TTC28: variants seen among roughly 807,000 people sequenced by gnomAD.
The protein encoded by TTC28 is tetratricopeptide repeat protein 28.
A neutral mutation model predicts 198.0 loss-of-function variants in TTC28; 61 were observed. The observed-to-expected ratio is 0.31, with a 90% CI of 0.25 to 0.38. TTC28 has a LOEUF of 0.38. TTC28 is among the 10% of genes least tolerant of loss of function. The pLI is 1.00. For synonymous variants in TTC28, 1,171 were observed against 1,297.8 expected (o/e 0.90, Z 2.10); for missense variants, 2,678 against 3,164.0 (o/e 0.85, Z 3.69).
In TTC28 at chr22:28,119,616, T is replaced by C. The variant is rs942775474; in HGVS notation, c.1442-11213A>G. Among the ~76,000 whole-genome samples, 55 of 152,150 alleles carry C rather than the reference T, an allele frequency of 3.6e-4. 2 individuals carry two copies. The highest frequency in any genetic ancestry group is 1.5e-5 in the Non-Finnish European group (1 of 68,020). ...GGGGGCATTTTTGGTTGTCAAAATA[T>C]CTGGGAGACCACACTGGCAAGTGTG... On this transcript the variant is annotated intron_variant, in intron 6 of 22. Coordinates refer to ENST00000397906, the MANE Select transcript of TTC28 (RefSeq NM_001145418.2).
At chr22:28,017,195 G>A (rs2146591939) in intron 13 of TTC28, among the ~76,000 whole-genome samples, 1 of 152,348 alleles carries the variant, frequency 6.6e-6, no homozygotes. Flanking sequence ...GGGGCAGGAG[G>A]GCAGAGACCA....
chr22:28,279,474 G>A (rs930403346), intron 5 of TTC28, among the ~76,000 whole-genome samples: 1 of 152,058 alleles, frequency 6.6e-6, no homozygotes, highest in East Asian at 1.9e-4. Flanking sequence ...GAGTTCAAGC[G>A]ATTCTCCTGC....
intron 5 of TTC28, among the ~76,000 whole-genome samples, chr22:28,178,817 C>T (rs1182294507): frequency 6.6e-6 from 1 of 152,120 alleles, no homozygotes; most frequent in Non-Finnish European, 1.5e-5. Flanking sequence ...CTCAAAGAGG[C>T]AAAGACTCAA....
At chr22:28,075,071 G>A (rs1001203295) in intron 12 of TTC28, among the ~76,000 whole-genome samples, 2 of 151,888 alleles carry the variant, frequency 1.3e-5, no homozygotes, top group East Asian at 3.9e-4. Flanking sequence ...CTGGATAACA[G>A]AGAGAGATTC....
At chr22:28,160,805 C>T (rs926217663) in intron 6 of TTC28, among the ~76,000 whole-genome samples, 1 of 152,080 alleles carries the variant, frequency 6.6e-6, no homozygotes, top group African/African-American at 2.4e-5. Context: ...GAATTTTTTA[C>T]AAAACTAAGT....
At chr22:28,117,355 A>AC (rs1026325316) in intron 6 of TTC28, among the ~76,000 whole-genome samples, 2 of 152,172 alleles carry the variant, frequency 1.3e-5, no homozygotes, top group Non-Finnish European at 2.9e-5. Flanking sequence ...CTCTATTAGC[A>AC]CCTAGCACAT....
At chr22:28,434,021 C>T (rs1459192641) in intron 2 of TTC28, among the ~76,000 whole-genome samples, 1 of 152,056 alleles carries the variant, frequency 6.6e-6, no homozygotes, top group Non-Finnish European at 1.5e-5. Flanking sequence ...TAGCCTAAAA[C>T]CAGAAAGTAT....
intron 5 of TTC28, chr22:28,232,669 T>C (rs551133971): frequency 6.6e-6 from 1 of 152,352 alleles, no homozygotes; most frequent in African/African-American, 2.4e-5. Flanking sequence ...TAGAATCCTG[T>C]ACATGGCTCA....
chr22:28,629,551 C>T lies in TTC28; in HGVS notation c.381+1G>A. On this transcript the variant is annotated splice_donor_variant, in intron 2 of 22. Transcript: ENST00000397906. LOFTEE classifies it high-confidence loss of function. ...AAATCTTCATAGGTAAAAATTTCTA[C>T]CTTTGGCCACTTGGGATTGAGAAGT... is the stretch of plus-strand genomic sequence containing the variant. 6.5e-7 allele frequency: 1 copy of T among 1,545,974 alleles called. No homozygotes were observed. Among genetic ancestry groups the T allele is most frequent in the Non-Finnish European group, 8.7e-7 (1 of 1,144,064 alleles).
At chr22:28,651,422 C>G (rs1240129514) in intron 1 of TTC28, among the ~76,000 whole-genome samples, 4 of 151,998 alleles carry the variant, frequency 2.6e-5, no homozygotes, top group Non-Finnish European at 5.9e-5. Context: ...CCACCTCAGT[C>G]TCCCAAGTAG....
chr22:28,392,545 T>C (rs2046746065), intron 2 of TTC28, among the ~76,000 whole-genome samples: 1 of 152,214 alleles, frequency 6.6e-6, no homozygotes, highest in Non-Finnish European at 1.5e-5. Flanking sequence ...AATCTCCTGG[T>C]GCGCCATTTT....
chr22:28,130,550 T>C (rs532685391), intron 6 of TTC28, among the ~76,000 whole-genome samples: 1 of 152,382 alleles, frequency 6.6e-6, no homozygotes, highest in East Asian at 1.9e-4. Flanking sequence ...TAGCTTTACA[T>C]ATAAATATGT....
At chr22:27,994,951 C>G (rs1937525948) in intron 17 of TTC28, among the ~76,000 whole-genome samples, 1 of 152,184 alleles carries the variant, frequency 6.6e-6, no homozygotes, top group Admixed American at 6.5e-5. Flanking sequence ...TCCCAGCACC[C>G]TGGGTGTTGG....
intron 12 of TTC28, among the ~76,000 whole-genome samples, chr22:28,080,273 A>G (rs1941299729): frequency 6.6e-6 from 1 of 152,200 alleles, no homozygotes; most frequent in South Asian, 2.1e-4. Flanking sequence ...ACTGTTTTCT[A>G]TAGCAGCTCC....
chr22:28,198,144 C>T (rs766698744), intron 5 of TTC28, among the ~76,000 whole-genome samples: 13 of 152,042 alleles, frequency 8.6e-5, no homozygotes, highest in Non-Finnish European at 1.8e-4. Flanking sequence ...AAATTCAAAA[C>T]CAGGAATTTT....
At chr22:28,537,807 T>C (rs1236872434) in intron 2 of TTC28, among the ~76,000 whole-genome samples, 1 of 152,148 alleles carries the variant, frequency 6.6e-6, no homozygotes, top group Non-Finnish European at 1.5e-5. Flanking sequence ...GCTAATAAAC[T>C]AGGGTAGTTC....
chr22:28,162,860 A>G (rs1921378091), intron 6 of TTC28, among the ~76,000 whole-genome samples: 1 of 152,168 alleles, frequency 6.6e-6, no homozygotes, highest in African/African-American at 2.4e-5. Flanking sequence ...TGAGGTGGGA[A>G]GATCACTGCA....
At chr22:28,060,428 A>G (rs1456274975) in intron 12 of TTC28, among the ~76,000 whole-genome samples, 1 of 152,142 alleles carries the variant, frequency 6.6e-6, no homozygotes, top group Non-Finnish European at 1.5e-5. Flanking sequence ...ACATGAACTC[A>G]TCCTTTTTTA....
At chr22:28,186,793 A>G (rs917693113) in intron 5 of TTC28, among the ~76,000 whole-genome samples, 3 of 152,122 alleles carry the variant, frequency 2.0e-5, no homozygotes, top group African/African-American at 4.8e-5. Flanking sequence ...GTCAGTATTA[A>G]AGAGAGAAAT....
Sources: allele counts gnomAD v4.1 joint callset (sites outside exome capture counted in the v4.1 genomes callset), GRCh38; gene constraint gnomAD v4.1.1; transcripts MANE v1.5; gene names NCBI Gene and HGNC (gene_info 2026-07-23, HGNC 2026-07-21).